Variants in BAIAP2L1 observed in about 807,000 individuals in gnomAD.
BAIAP2L1 encodes the protein BAR/IMD domain-containing adapter protein 2-like 1.
Under a neutral mutation model 66.3 loss-of-function variants are expected in BAIAP2L1, and 35 were observed. The ratio of observed to expected loss-of-function variants is 0.53; its 90% CI spans 0.40 to 0.70. BAIAP2L1 has a LOEUF of 0.70. Ranked by LOEUF, BAIAP2L1 falls within the 30% of genes least tolerant of loss-of-function variation. The pLI, the probability that BAIAP2L1 is intolerant of heterozygous loss-of-function variation, is 0.00. For missense variants in BAIAP2L1, 622 were observed against 656.9 expected (o/e 0.95, Z 0.58); for synonymous variants, 269 against 248.7 (o/e 1.08, Z -0.77).
At chr7:98,335,385 C>T (rs1334041900) in intron 3 of BAIAP2L1, among the ~76,000 whole-genome samples, 2 of 152,096 alleles carry the variant, frequency 1.3e-5, no homozygotes, top group Admixed American at 6.6e-5. Context: ...ATCCTATAGG[C>T]TTTGTACCAT....
chr7:98,311,777 G>A (rs531744248), intron 8 of BAIAP2L1, among the ~76,000 whole-genome samples: 19 of 152,048 alleles, frequency 1.2e-4, no homozygotes, highest in South Asian at 8.3e-4. Flanking sequence ...ATGGTGGTGC[G>A]CCCCAGTAAT....
chr7:98,400,450 ACAGTGTCGAGGGG>A lies in BAIAP2L1; in HGVS notation c.51+339_51+351del. 2 of 243,364 alleles carry A rather than the reference ACAGTGTCGAGGGG, an allele frequency of 8.2e-6. 1 individual carries two copies. The highest frequency in any genetic ancestry group is 6.1e-5 in the South Asian group (2 of 32,824). 15.1% of individuals were successfully genotyped at this position (243,364 alleles called of 1,614,324 possible). A position where few individuals can be genotyped will look rare whatever the true frequency, so the allele number is the denominator to read the frequency against. On this transcript the variant is annotated intron_variant, in intron 1 of 13. Transcript: ENST00000005260. Reference sequence around the variant, plus strand: ...AGGAAGAACCAGGAGGAGGGGAGGGACAGTGTCGAGGGGCAGGGGAGGAGGGAGAGTGAACGGG... The same window carrying A: ...AGGAAGAACCAGGAGGAGGGGAGGGACAGGGGAGGAGGGAGAGTGAACGGG...
At chr7:98,302,523 CA>C (rs1189990581) in intron 12 of BAIAP2L1, among the ~76,000 whole-genome samples, 1 of 152,190 alleles carries the variant, frequency 6.6e-6, no homozygotes, top group East Asian at 1.9e-4. Flanking sequence ...ACAAGCAAAA[CA>C]GCAACAGACT....
intron 1 of BAIAP2L1, among the ~76,000 whole-genome samples, chr7:98,395,342 G>T (rs1053409814): frequency 4.6e-5 from 7 of 151,984 alleles, no homozygotes; most frequent in Non-Finnish European, 8.8e-5. Flanking sequence ...AGGAGTCTGA[G>T]GGAGGAGAAT....
At position 98,317,305 on chromosome 7, in the gene BAIAP2L1, C is replaced by T; in HGVS notation, c.400G>A (p.Glu134Lys). The change falls in exon 6 of 14, where the codon GAG becomes AAG. Residue 134 changes from glutamate to lysine, a missense_variant. Transcript: ENST00000005260. ...TTCTTCAACTCAGCTTGGGATTTCT[C>T]CAAAGACTCTAATTTATTCTTGTGT... ...TEHKNKLESL[E>K]KSQAELKKIR... is the part of the protein sequence containing the mutation. The T allele has an allele frequency of 4.3e-6, 7 of 1,614,224 alleles. No individual in the cohort carries two copies. Among genetic ancestry groups the T allele is most frequent in the Non-Finnish European group, 5.1e-6 (6 of 1,180,036 alleles).
At chr7:98,328,995 G>A (rs1160874795) in intron 3 of BAIAP2L1, among the ~76,000 whole-genome samples, 2 of 152,132 alleles carry the variant, frequency 1.3e-5, no homozygotes, top group African/African-American at 2.4e-5. Context: ...ACCTTAAACA[G>A]AATACTGAGA....
rs199649348 is a variant in BAIAP2L1, at chr7:98,385,737, G to GT, written c.51+15064dup. On this transcript the variant is annotated intron_variant, in intron 1 of 13. Coordinates refer to ENST00000005260, the MANE Select transcript of BAIAP2L1 (RefSeq NM_018842.5). Reference sequence around the variant, plus strand: ...CCAGGAATCAACATTTCTTTTTTTTGTTGTTTTTTTTTTCACAAATAGCAC... The same window carrying GT: ...CCAGGAATCAACATTTCTTTTTTTTGTTTGTTTTTTTTTTCACAAATAGCAC... 1.0e-2 allele frequency: 11,209 copies of GT among 1,125,916 alleles called. 474 individuals are homozygous for GT. The East Asian group carries it at 0.13, about 13-fold the overall frequency. The allele number at this position is 1,125,916 out of a possible 1,614,324, so 69.7% of individuals were successfully genotyped here. A position where few individuals can be genotyped will look rare whatever the true frequency, so the allele number is the denominator to read the frequency against.
chr7:98,306,399 G>T, intron 11 of BAIAP2L1, 40 bp downstream of exon 11: 2 of 1,609,172 alleles, frequency 1.2e-6, no homozygotes, highest in Non-Finnish European at 1.7e-6. Flanking sequence ...CAAGGCAGGG[G>T]TTTCTGTCAC....
At chr7:98,300,623 T>C (rs1800381743) in intron 12 of BAIAP2L1, among the ~76,000 whole-genome samples, 1 of 152,062 alleles carries the variant, frequency 6.6e-6, no homozygotes, top group African/African-American at 2.4e-5. Context: ...CCTTTCTCCA[T>C]TTCACGAGGC....
chr7:98,392,454 G>A (rs1398713709), intron 1 of BAIAP2L1, among the ~76,000 whole-genome samples: 1 of 152,202 alleles, frequency 6.6e-6, no homozygotes, highest in Non-Finnish European at 1.5e-5. Flanking sequence ...ATTTTGCAAT[G>A]TGGAGCAAAC....
Position 98,304,254 on chromosome 7 carries a change from G to A in BAIAP2L1, c.1364C>T (p.Ser455Leu), listed in dbSNP as rs896193988. Residue 455 changes from serine to leucine, a missense_variant, in exon 12 of 14, where the codon TCG becomes TTG. Transcript: ENST00000005260. ...MGAAADRRAD[S>L]ARTTSTFKAP... ...CTTAAAGGTGGATGTCGTCCTGGCC[G>A]AATCTGCTCTCCTGTCGGCAGCTGC... The A allele has an allele frequency of 3.1e-6, 5 of 1,613,480 alleles. No individual in the cohort carries two copies. The highest frequency in any genetic ancestry group is 2.2e-5 in the East Asian group (1 of 44,852).
intron 12 of BAIAP2L1, among the ~76,000 whole-genome samples, chr7:98,296,233 G>A (rs924632154): frequency 2.0e-5 from 3 of 152,254 alleles, no homozygotes; most frequent in Non-Finnish European, 4.4e-5. Flanking sequence ...GGGTGATCGT[G>A]GGGGCCGGGA....
chr7:98,304,591 A>G (rs1800563532), intron 11 of BAIAP2L1, among the ~76,000 whole-genome samples: 1 of 152,148 alleles, frequency 6.6e-6, no homozygotes, highest in African/African-American at 2.4e-5. Context: ...TCTGTCACCC[A>G]GGCTGGAGTG....
intron 3 of BAIAP2L1, among the ~76,000 whole-genome samples, chr7:98,348,644 T>C (rs1016184792): frequency 6.6e-6 from 1 of 151,932 alleles, no homozygotes; most frequent in African/African-American, 2.4e-5. Flanking sequence ...ATGAGAAGAA[T>C]GTCAATGAAG....
chr7:98,349,418 C>T (rs542456147), intron 3 of BAIAP2L1, among the ~76,000 whole-genome samples: 12 of 152,306 alleles, frequency 7.9e-5, no homozygotes, highest in East Asian at 1.9e-4. Context: ...GCCACGCCCA[C>T]GCTACGCCTC....
At chr7:98,353,544 T>A (rs865788036) in intron 3 of BAIAP2L1, among the ~76,000 whole-genome samples, 2 of 136,076 alleles carry the variant, frequency 1.5e-5, no homozygotes, top group South Asian at 4.3e-4. Flanking sequence ...TACATATATT[T>A]ATATTATAAA....
intron 1 of BAIAP2L1, among the ~76,000 whole-genome samples, chr7:98,395,236 G>C (rs536586798): frequency 1.3e-5 from 2 of 152,000 alleles, no homozygotes; most frequent in Non-Finnish European, 2.9e-5. Context: ...TCAGGAGTTC[G>C]AGACCAGCCT....
At chr7:98,367,380 T>A (rs1390270246) in intron 1 of BAIAP2L1, among the ~76,000 whole-genome samples, 1 of 152,090 alleles carries the variant, frequency 6.6e-6, no homozygotes, top group Admixed American at 6.6e-5. Flanking sequence ...ATTTCTTTTT[T>A]CTTTGTTTGA....
chr7:98,386,283 G>C (rs1802888803), intron 1 of BAIAP2L1: 16 of 1,595,492 alleles, frequency 1.0e-5, no homozygotes, highest in Non-Finnish European at 1.4e-5. Context: ...TAAGATCCAT[G>C]CCATGGAAGT....
Sources: allele counts gnomAD v4.1 joint callset (sites outside exome capture counted in the v4.1 genomes callset), GRCh38; gene constraint gnomAD v4.1.1; transcripts MANE v1.5; gene names NCBI Gene and HGNC (gene_info 2026-07-23, HGNC 2026-07-21).